HNRNPLL: variants seen among roughly 807,000 people sequenced by gnomAD.
HNRNPLL encodes heterogeneous nuclear ribonucleoprotein L like, also known as heterogeneous nuclear ribonucleoprotein L-like.
In HNRNPLL, 25 loss-of-function variants were observed where a neutral mutation model predicts 67.1. The ratio of observed to expected loss-of-function variants is 0.37; its 90% CI spans 0.27 to 0.52. The LOEUF (loss-of-function observed/expected upper bound fraction) is 0.52. Ranked by LOEUF, HNRNPLL falls within the 20% of genes least tolerant of loss-of-function variation. The pLI, the probability that HNRNPLL is intolerant of heterozygous loss-of-function variation, is 0.90. For synonymous variants in HNRNPLL, 267 were observed against 241.7 expected (o/e 1.10, Z -0.97); for missense variants, 542 against 673.9 (o/e 0.80, Z 2.17).
intron 12 of HNRNPLL, among the ~76,000 whole-genome samples, chr2:38,566,794 G>A (rs528917193): frequency 6.7e-6 from 1 of 149,866 alleles, no homozygotes; most frequent in African/African-American, 2.5e-5. Context: ...GACCAGCCTG[G>A]GCAACACAGT....
At position 38,585,819 on chromosome 2, in the gene HNRNPLL, G is replaced by A. The variant is rs780421383; in HGVS notation, c.371C>T (p.Ala124Val). The change falls in exon 3 of 13, where the codon GCC becomes GTC. Residue 124 changes from alanine (A) to valine (V), a missense_variant. Physicochemically the swap from Ala to Val is moderately conservative, Grantham distance 64. Around this residue, in one of 2 missense-constraint regions of HNRNPLL, gnomAD observed 415 missense variants for 575.2 expected, o/e 0.72. Coordinates refer to ENST00000449105, the MANE Select transcript of HNRNPLL (RefSeq NM_138394.4). ...TGCAGCAAATGTCACACATTCTTTG[G>A]CACTATCTATGTTTTCAAATTCCAC... ...ALVEFENIDSAKECVTFAADE... is the reference protein window; with the variant it reads ...ALVEFENIDSVKECVTFAADE... The A allele has an allele frequency of 6.2e-7, 1 of 1,613,906 alleles. No homozygotes were observed. The highest frequency in any genetic ancestry group is 8.5e-7 in the Non-Finnish European group (1 of 1,179,878).
intron 2 of HNRNPLL, among the ~76,000 whole-genome samples, chr2:38,589,046 T>C (rs1191217302): frequency 6.6e-6 from 1 of 152,202 alleles, no homozygotes; most frequent in Non-Finnish European, 1.5e-5. Flanking sequence ...AATGTTGTAT[T>C]GTAAAACTAA....
intron 9 of HNRNPLL, 43 bp downstream of exon 9, chr2:38,569,761 T>G (rs1233807845): frequency 9.2e-7 from 1 of 1,085,718 alleles, no homozygotes; most frequent in East Asian, 2.7e-5. Context: ...GACAAAGATT[T>G]TTAAATATTT....
At chr2:38,575,696 T>C (rs1336516642) in intron 7 of HNRNPLL, among the ~76,000 whole-genome samples, 1 of 151,808 alleles carries the variant, frequency 6.6e-6, no homozygotes, top group African/African-American at 2.4e-5. Flanking sequence ...AGTCGTCACA[T>C]AGGAAAAGGA....
Position 38,582,531 on chromosome 2 carries a change from C to T in HNRNPLL, c.633-363G>A, listed in dbSNP as rs1233094177. On this transcript the variant is annotated intron_variant, in intron 4 of 12. Coordinates refer to ENST00000449105, the MANE Select transcript of HNRNPLL (RefSeq NM_138394.4). ...TTCACCATGTTGACCAGGATTGTCT[C>T]GATCTCTTGACTTCGTGATCCGCCC... 3.9e-5 allele frequency among the ~76,000 whole-genome samples: 6 copies of T among 152,092 alleles called. No homozygotes were observed. In the East Asian group the frequency reaches 7.8e-4, roughly 20 times the overall value.
chr2:38,596,592 C>T (rs1464478560), intron 1 of HNRNPLL, among the ~76,000 whole-genome samples: 6 of 152,156 alleles, frequency 3.9e-5, no homozygotes, highest in African/African-American at 7.2e-5. Flanking sequence ...AAAATAACTT[C>T]TTTTAAGCAT....
intron 8 of HNRNPLL, among the ~76,000 whole-genome samples, chr2:38,571,509 C>G (rs1400289931): frequency 6.6e-6 from 1 of 152,188 alleles, no homozygotes; most frequent in African/African-American, 2.4e-5. Context: ...TCCATCACTT[C>G]AACTACCCAC....
chr2:38,590,975 A>G (rs1225819267), intron 2 of HNRNPLL, among the ~76,000 whole-genome samples: 2 of 152,234 alleles, frequency 1.3e-5, no homozygotes, highest in African/African-American at 2.4e-5. Flanking sequence ...ACTACACTCC[A>G]GCTTGGGCAA....
At chr2:38,572,676 AGG>A (rs1204628545) in intron 8 of HNRNPLL, among the ~76,000 whole-genome samples, 1 of 152,126 alleles carries the variant, frequency 6.6e-6, no homozygotes, top group African/African-American at 2.4e-5. Flanking sequence ...ATTGCTAGAC[AGG>A]AAGTTTTGGA....
rs761032016 is a variant in HNRNPLL at position 38,577,463 on chromosome 2, T to C, written c.872A>G (p.Tyr291Cys). ...TTCTTTCTACCTTGACAACTTACCA[T>C]AGCCATCATGTCTAAACGAAGAAGG... is the stretch of plus-strand genomic sequence containing the variant. ...EHPSSFRHDGYGSHGPLLPLP... is the reference protein window; with the variant it reads ...EHPSSFRHDGCGSHGPLLPLP... Residue 291 changes from tyrosine to cysteine, a missense_variant and splice_region_variant, in exon 7 of 13, where the codon TAT becomes TGT. Tyr to Cys is a radical substitution (Grantham distance 194). Coordinates refer to ENST00000449105, the MANE Select transcript of HNRNPLL (RefSeq NM_138394.4). The C allele has an allele frequency of 6.3e-6, 10 of 1,591,628 alleles. No homozygotes were observed. In the East Asian group the frequency reaches 6.7e-5, roughly 11 times the overall value.
chr2:38,586,006 T>C, intron 2 of HNRNPLL, 125 bp from the exon 3 acceptor site: 1 of 694,032 alleles, frequency 1.4e-6, no homozygotes, highest in Non-Finnish European at 2.5e-6. Context: ...CTTCACTACC[T>C]GTGTCCAACG....
chr2:38,582,080 A>G lies in HNRNPLL; in HGVS notation c.721T>C (p.Tyr241His), dbSNP rs1479304497. 6.2e-7 allele frequency: 1 copy of G among 1,612,838 alleles called. No individual in the cohort carries two copies. Among genetic ancestry groups the G allele is most frequent in the Non-Finnish European group, 8.5e-7 (1 of 1,178,834 alleles). Residue 241 changes from tyrosine to histidine, a missense_variant, in exon 5 of 13, where the codon TAT becomes CAT. This residue lies in a region of HNRNPLL where 415 missense variants were observed against 575.2 expected (regional missense o/e 0.72). Transcript: ENST00000449105. ...YAGCCTLKIE[Y>H]ARPTRLNVIR... ...TTGAAAAAAATATTTACCCGTGCATATTCAATTTTTAGTGTGCAACATCCA... is the reference window on the plus strand; with the variant it reads ...TTGAAAAAAATATTTACCCGTGCATGTTCAATTTTTAGTGTGCAACATCCA...
intron 6 of HNRNPLL, chr2:38,580,989 C>T (rs952795710): frequency 6.6e-6 from 1 of 152,110 alleles, no homozygotes; most frequent in Admixed American, 6.5e-5. Context: ...TATAATGCAC[C>T]TTTTCATTAT....
chr2:38,581,789 C>G, intron 6 of HNRNPLL, 124 bp downstream of exon 6: 1 of 696,782 alleles, frequency 1.4e-6, no homozygotes, highest in South Asian at 1.7e-5. Context: ...CCTTTTGCAA[C>G]AAAAGCATTC....
Position 38,573,390 on chromosome 2 carries a change from G to A in HNRNPLL, c.912C>T (p.Tyr304=), listed in dbSNP as rs1356574821. The A allele has an allele frequency of 1.2e-6, 2 of 1,611,312 alleles. No homozygotes were observed. Among genetic ancestry groups the A allele is most frequent in the East Asian group, 2.2e-5 (1 of 44,810 alleles). The change falls in exon 8 of 13, where the codon TAC becomes TAT. Residue 304 remains tyrosine, a synonymous_variant. Coordinates refer to ENST00000449105, the MANE Select transcript of HNRNPLL (RefSeq NM_138394.4). The part of the protein sequence containing the change: ...HGPLLPLPSR[Y]RMGSRDTPEL... ...CAGGTGTATCTCGAGAGCCCATTCT[G>A]TAACGACTTGGTAAAGGCAATAATG...
At position 38,601,337 on chromosome 2, in the gene HNRNPLL, G is replaced by A. The variant is rs537945894; in HGVS notation, c.189+1101C>T. Among the ~76,000 whole-genome samples, 22 of 152,166 alleles carry A rather than the reference G, an allele frequency of 1.4e-4. No homozygotes were observed. In the South Asian group the frequency reaches 4.6e-3, roughly 32 times the overall value. On this transcript the variant is annotated intron_variant, in intron 1 of 12. Coordinates refer to ENST00000449105, the MANE Select transcript of HNRNPLL (RefSeq NM_138394.4). Reference sequence around the variant, plus strand: ...ATTTAAAAATTCAAACGGCTATAAAGGGCTTCTAATGTGCGTCTTATTTTT... The same window carrying A: ...ATTTAAAAATTCAAACGGCTATAAAAGGCTTCTAATGTGCGTCTTATTTTT...
At chr2:38,585,606 A>G in intron 3 of HNRNPLL, 38 bp downstream of exon 3, 1 of 1,348,268 alleles carries the variant, frequency 7.4e-7, no homozygotes, top group Non-Finnish European at 1.1e-6. Flanking sequence ...AAACTGCAAA[A>G]TCACTTTTAA....
chr2:38,602,327 G>C (rs1558552177), intron 1 of HNRNPLL, 111 bp downstream of exon 1: 3 of 1,025,158 alleles, frequency 2.9e-6, no homozygotes, highest in Non-Finnish European at 4.2e-6. Context: ...TTCCCCAAAC[G>C]GGTCGGCGCA....
chr2:38,596,011 T>C (rs1455709058), intron 1 of HNRNPLL, among the ~76,000 whole-genome samples: 2 of 152,166 alleles, frequency 1.3e-5, no homozygotes, highest in African/African-American at 4.8e-5. Flanking sequence ...GATATTTCTA[T>C]TTTTAAATTA....
Sources: gnomAD v4.1 joint callset for allele counts (sites outside exome capture counted in the v4.1 genomes callset) on GRCh38, gnomAD v4.1.1 for gene constraint, gnomAD v4.1.1 regional missense constraint, MANE v1.5 for transcripts, NCBI Gene and HGNC (gene_info 2026-07-23, HGNC 2026-07-21) for gene names.